The following DYSF variants were observed in gnomAD, a reference collection of about 807,000 sequenced individuals.
DYSF encodes the protein dysferlin.
In DYSF, 212 loss-of-function variants were observed where a neutral mutation model predicts 274.9. The ratio of observed to expected loss-of-function variants is 0.77; its 90% CI spans 0.69 to 0.86. The LOEUF is 0.86. Among genes scored for constraint, DYSF ranks in the 40% least tolerant of loss-of-function variants. The pLI is 0.00. For missense variants in DYSF, 2,666 were observed against 2,783.2 expected, an observed-to-expected ratio of 0.96 and a Z score of 0.95; for synonymous variants, 1,091 against 1,078.7, an observed-to-expected ratio of 1.01 and a Z score of -0.22.
At chr2:71,614,784 G>A (rs774518781) in intron 40 of DYSF, among the ~76,000 whole-genome samples, 20 of 152,208 alleles carry the variant, frequency 1.3e-4, no homozygotes, top group Non-Finnish European at 2.4e-4. Context: ...ATGGGTTGAT[G>A]GATGGATGGA....
intron 40 of DYSF, among the ~76,000 whole-genome samples, chr2:71,618,779 T>TG (rs1392239505): frequency 1.3e-5 from 2 of 151,164 alleles, no homozygotes; most frequent in Non-Finnish European, 3.0e-5. Context: ...AGTGTGTTTT[T>TG]TGTGTGTGTG....
chr2:71,646,356 G>T (rs1453524026), intron 42 of DYSF, among the ~76,000 whole-genome samples: 2 of 152,192 alleles, frequency 1.3e-5, no homozygotes, highest in Non-Finnish European at 2.9e-5. Flanking sequence ...TGCTGAATTG[G>T]CACCCAGCCC....
intron 55 of DYSF, among the ~76,000 whole-genome samples, chr2:71,684,590 T>A (rs867148784): frequency 9.2e-5 from 14 of 152,296 alleles, no homozygotes; most frequent in Middle Eastern, 3.4e-3. Flanking sequence ...AATGCTCTTT[T>A]GGGAGGCTCA....
At chr2:71,678,773 G>C (rs2095258510) in intron 52 of DYSF, among the ~76,000 whole-genome samples, 1 of 152,214 alleles carries the variant, frequency 6.6e-6, no homozygotes, top group East Asian at 1.9e-4. Context: ...TTTGTACATA[G>C]ATGAGTAATT....
intron 34 of DYSF, 143 bp downstream of exon 34, chr2:71,600,985 C>A (rs749734937): frequency 1.9e-6 from 2 of 1,067,408 alleles, no homozygotes; most frequent in Non-Finnish European, 2.7e-6. Flanking sequence ...AGGACACCAT[C>A]TAACATCGGA....
In DYSF at chr2:71,611,517, C is replaced by A. The variant is rs995301244; in HGVS notation, c.4112C>A (p.Ser1371Tyr). ...NMKSYQLANI[S>Y]SPSLVVECGG... ...AAGAGTTACCAGCTGGCCAACATCT[C>A]CTCCCCCAGCCTCGTGGTAGAGTGT... is the stretch of plus-strand genomic sequence containing the variant. The change falls in exon 38 of 56, where the codon TCC becomes TAC. Residue 1371 changes from serine to tyrosine, a missense_variant. Coordinates refer to ENST00000410020, the MANE Select transcript of DYSF (RefSeq NM_001130987.2). 6.2e-7 allele frequency: 1 copy of A among 1,614,016 alleles called. No individual in the cohort carries two copies. Among genetic ancestry groups the A allele is most frequent in the African/African-American group, 1.3e-5 (1 of 74,908 alleles).
At chr2:71,592,955 G>C (rs979390720) in intron 32 of DYSF, among the ~76,000 whole-genome samples, 11 of 152,184 alleles carry the variant, frequency 7.2e-5, no homozygotes, top group African/African-American at 2.7e-4. Context: ...TTGCCATCCA[G>C]ACGGCCTGAG....
intron 15 of DYSF, 61 bp from the exon 16 acceptor site, chr2:71,535,207 G>A: frequency 1.2e-6 from 2 of 1,600,290 alleles, no homozygotes; most frequent in Non-Finnish European, 1.7e-6. Flanking sequence ...CTCGGGGTAG[G>A]GAGGGGCTGT....
intron 41 of DYSF, among the ~76,000 whole-genome samples, chr2:71,636,387 T>A (rs185341948): frequency 8.7e-4 from 133 of 152,194 alleles, no homozygotes; most frequent in African/African-American, 3.0e-3. Flanking sequence ...GGGGCGGTAG[T>A]GACAGAGTGG....
At chr2:71,678,961 G>A (rs1478108574) in intron 52 of DYSF, 96 bp from the exon 53 acceptor site, 2 of 1,117,620 alleles carry the variant, frequency 1.8e-6, no homozygotes, top group Admixed American at 3.5e-5. Flanking sequence ...GGTGACAGAG[G>A]TGACTGAGTT....
chr2:71,478,682 C>A (rs75081261), intron 1 of DYSF, among the ~76,000 whole-genome samples: 2,005 of 152,236 alleles, frequency 0.013, 57 homozygotes, highest in African/African-American at 0.046. Context: ...GAGCTCCCCC[C>A]TCTCCCTGGA....
chr2:71,667,537 C>T, intron 48 of DYSF, 22 bp downstream of exon 48: 1 of 1,613,806 alleles, frequency 6.2e-7, no homozygotes, highest in Non-Finnish European at 8.5e-7. Context: ...ACCCTTGGGT[C>T]CCAGAGTCCT....
intron 45 of DYSF, among the ~76,000 whole-genome samples, chr2:71,662,928 G>GTT (rs375655060): frequency 3.0e-5 from 1 of 33,064 alleles, no homozygotes; most frequent in Non-Finnish European, 9.2e-5. Flanking sequence ...ATGTGTGCAC[G>GTT]TATGTGCATG....
chr2:71,474,863 TGTGCAACTCATGAGAGG>T (rs2082286298), intron 1 of DYSF, among the ~76,000 whole-genome samples: 1 of 152,200 alleles, frequency 6.6e-6, no homozygotes, highest in African/African-American at 2.4e-5. Context: ...AGTTTCCAAG[TGTGCAACTCATGAGAGG>T]CTGCAGATGG....
intron 1 of DYSF, 129 bp from the exon 2 acceptor site, chr2:71,480,754 A>G (rs1573397883): frequency 1.1e-5 from 9 of 804,174 alleles, no homozygotes; most frequent in South Asian, 1.5e-5. Flanking sequence ...GTTCTCAGGG[A>G]ATCTGTTGAT....
chr2:71,540,255 C>T (rs753545110), intron 17 of DYSF, among the ~76,000 whole-genome samples: 6 of 151,994 alleles, frequency 3.9e-5, no homozygotes, highest in South Asian at 2.1e-4. Flanking sequence ...GGACTACAGG[C>T]GCGCGCCACC....
intron 36 of DYSF, among the ~76,000 whole-genome samples, chr2:71,608,985 T>A (rs1021635188): frequency 4.9e-5 from 4 of 80,822 alleles, no homozygotes; most frequent in African/African-American, 4.8e-4. Context: ...TGGGTCCATA[T>A]TGGGTTGGGC....
chr2:71,652,220 A>G (rs2094677470), intron 42 of DYSF, among the ~76,000 whole-genome samples: 1 of 152,352 alleles, frequency 6.6e-6, no homozygotes, highest in African/African-American at 2.4e-5. Flanking sequence ...CACAAAGACA[A>G]GACAAGACTC....
chr2:71,510,867 T>C (rs1276870418), intron 4 of DYSF, among the ~76,000 whole-genome samples: 1 of 152,272 alleles, frequency 6.6e-6, no homozygotes, highest in African/African-American at 2.4e-5. Context: ...ACTATTTGTT[T>C]GAAAGATTGG....
Sources: allele counts gnomAD v4.1 joint callset (sites outside exome capture counted in the v4.1 genomes callset), GRCh38; gene constraint gnomAD v4.1.1; transcripts MANE v1.5; gene names NCBI Gene and HGNC (gene_info 2026-07-23, HGNC 2026-07-21).